The following TTC23 variants were observed in gnomAD, a reference collection of about 807,000 sequenced individuals.
TTC23 encodes tetratricopeptide repeat domain 23, also known as tetratricopeptide repeat protein 23.
In TTC23, 58 loss-of-function variants were observed where a neutral mutation model predicts 55.1. The ratio of observed to expected loss-of-function variants is 1.05; its 90% CI spans 0.85 to 1.31. TTC23 has a LOEUF of 1.31. TTC23 is among the 50% of genes most tolerant of loss of function. The pLI, the probability that TTC23 is intolerant of heterozygous loss-of-function variation, is 0.00. For missense variants in TTC23, 516 were observed against 534.4 expected (o/e 0.97, Z 0.34); for synonymous variants, 203 against 199.9 (o/e 1.02, Z -0.13).
intron 4 of TTC23, among the ~76,000 whole-genome samples, chr15:99,229,156 T>TATAC (rs2078732207): frequency 6.6e-6 from 1 of 152,034 alleles, no homozygotes; most frequent in Admixed American, 6.6e-5. Context: ...TATATATATA[T>TATAC]ATCTAAAGTC....
In TTC23 at chr15:99,156,236, C is replaced by G; in HGVS notation, c.1055G>C (p.Ser352Thr). ...EAKVEAFGDF[S>T]PEVAETYRLL... ...CCGGTATGTCTCTGCCACCTCGGGA[C>G]TGAAATCGCCAAATGCTTCCACTTT... Residue 352 changes from serine (S) to threonine (T), a missense_variant, in exon 12 of 14, where the codon AGT becomes ACT. By Grantham distance (58) the Ser-to-Thr change is moderately conservative. Transcript: ENST00000394132. The G allele has an allele frequency of 6.2e-7, 1 of 1,614,258 alleles. No homozygotes were observed. Among genetic ancestry groups the G allele is most frequent in the Non-Finnish European group, 8.5e-7 (1 of 1,180,054 alleles).
chr15:99,145,241 C>G, intron 12 of TTC23: 1 of 152,214 alleles, frequency 6.6e-6, no homozygotes, highest in South Asian at 2.1e-4. Context: ...CAGCAACACG[C>G]CAACCCTGTG....
intron 12 of TTC23, among the ~76,000 whole-genome samples, chr15:99,151,709 C>A (rs2069783354): frequency 6.6e-6 from 1 of 152,218 alleles, no homozygotes; most frequent in Non-Finnish European, 1.5e-5. Context: ...GCATTCTCCC[C>A]ACTGTGCCAT....
intron 9 of TTC23, among the ~76,000 whole-genome samples, chr15:99,196,923 G>T (rs1001122421): frequency 3.9e-5 from 6 of 152,098 alleles, no homozygotes; most frequent in Admixed American, 1.3e-4. Flanking sequence ...CCAAGCAGAG[G>T]GAGCTTCTTA....
intron 10 of TTC23, among the ~76,000 whole-genome samples, chr15:99,163,922 GT>G (rs914363516): frequency 1.2e-4 from 19 of 152,214 alleles, no homozygotes; most frequent in Admixed American, 1.2e-3. Flanking sequence ...AGTCTATGGT[GT>G]TTTGTTACAG....
At chr15:99,197,431 T>C (rs2151984964) in intron 9 of TTC23, among the ~76,000 whole-genome samples, 1 of 151,860 alleles carries the variant, frequency 6.6e-6, no homozygotes, top group South Asian at 2.1e-4. Flanking sequence ...CACCCCAGTA[T>C]TCACCTCAAC....
At chr15:99,180,474 C>G (rs2074012106) in intron 9 of TTC23, among the ~76,000 whole-genome samples, 1 of 152,242 alleles carries the variant, frequency 6.6e-6, no homozygotes, top group Non-Finnish European at 1.5e-5. Context: ...CAGTGCCAAT[C>G]AAGCTGTCGA....
chr15:99,137,880 T>C lies in TTC23; in HGVS notation c.*130A>G. On this transcript the variant is annotated 3_prime_UTR_variant, in exon 14 of 14. Transcript: ENST00000394132. ...GGCTTATGGTCTCACTGTTGCATGT[T>C]GGGGCCAACAGTTGGCCTTGGAAAT... 9.7e-6 allele frequency: 14 copies of C among 1,436,490 alleles called. No homozygotes were observed. Among genetic ancestry groups the C allele is most frequent in the Non-Finnish European group, 1.2e-5 (13 of 1,057,206 alleles). 89.0% of individuals were successfully genotyped at this position (1,436,490 alleles called of 1,614,324 possible).
intron 8 of TTC23, among the ~76,000 whole-genome samples, chr15:99,206,922 T>C (rs1311071067): frequency 6.6e-6 from 1 of 152,186 alleles, no homozygotes; most frequent in Non-Finnish European, 1.5e-5. Flanking sequence ...TTTCTACTTT[T>C]TGGAGGTAAG....
chr15:99,189,139 T>C (rs1048440535), intron 9 of TTC23, among the ~76,000 whole-genome samples: 7 of 152,140 alleles, frequency 4.6e-5, no homozygotes, highest in African/African-American at 1.7e-4. Flanking sequence ...ATTATACATC[T>C]CTACAAGTAA....
intron 12 of TTC23, among the ~76,000 whole-genome samples, chr15:99,141,334 T>C (rs1217841731): frequency 6.6e-6 from 1 of 152,156 alleles, no homozygotes; most frequent in Non-Finnish European, 1.5e-5. Flanking sequence ...ATATAATATG[T>C]ATTATAATTT....
At chr15:99,180,394 T>C (rs1413605568) in intron 9 of TTC23, among the ~76,000 whole-genome samples, 2 of 151,326 alleles carry the variant, frequency 1.3e-5, no homozygotes, top group Non-Finnish European at 2.9e-5. Flanking sequence ...CCTCAACCCC[T>C]GCCAAGGCAC....
chr15:99,147,579 T>C lies in TTC23; in HGVS notation c.1144-8180A>G, dbSNP rs112621919. 1.2e-3 allele frequency among the ~76,000 whole-genome samples: 180 copies of C among 152,296 alleles called. 3 individuals are homozygous for C. Among genetic ancestry groups the C allele is most frequent in the African/African-American group, 4.1e-3 (169 of 41,574 alleles). ...TGAATGACCATGACCCCTTTAACAA[T>C]TGGCTCTCATTCTCATATAAACTGA... On this transcript the variant is annotated intron_variant, in intron 12 of 13. Transcript: ENST00000394132.
At chr15:99,228,784 T>A in intron 4 of TTC23, 52 bp from the exon 5 acceptor site, 2 of 1,378,854 alleles carry the variant, frequency 1.5e-6, no homozygotes, top group Non-Finnish European at 2.0e-6. Context: ...CCATAGTTAC[T>A]TTTAGAAATA....
intron 9 of TTC23, among the ~76,000 whole-genome samples, chr15:99,177,279 A>C (rs2073669766): frequency 6.6e-6 from 1 of 152,238 alleles, no homozygotes. Flanking sequence ...AGTGCCAACA[A>C]TATCCTTTGC....
At chr15:99,181,073 T>C (rs2074065998) in intron 9 of TTC23, among the ~76,000 whole-genome samples, 1 of 152,114 alleles carries the variant, frequency 6.6e-6, no homozygotes, top group South Asian at 2.1e-4. Flanking sequence ...ACAGCCCAAT[T>C]TACAGAAGGG....
At chr15:99,212,107 A>G (rs1484856323) in intron 8 of TTC23, among the ~76,000 whole-genome samples, 1 of 152,238 alleles carries the variant, frequency 6.6e-6, no homozygotes, top group African/African-American at 2.4e-5. Context: ...AGTTCAGCAC[A>G]GTCATGCCAG....
At chr15:99,240,349 A>G (rs781016251) in intron 3 of TTC23, among the ~76,000 whole-genome samples, 1 of 152,204 alleles carries the variant, frequency 6.6e-6, no homozygotes, top group Non-Finnish European at 1.5e-5. Context: ...AAGAGAGGTT[A>G]TATTTATTCT....
chr15:99,182,246 T>TCACACACACACACACA, intron 9 of TTC23, among the ~76,000 whole-genome samples: 1 of 112,820 alleles, frequency 8.9e-6, no homozygotes, highest in Middle Eastern at 4.4e-3. Flanking sequence ...TCTCTCTCTC[T>TCACACACACACACACA]CTCACACACA....
Sources: allele counts gnomAD v4.1 joint callset (sites outside exome capture counted in the v4.1 genomes callset), GRCh38; gene constraint gnomAD v4.1.1; transcripts MANE v1.5; gene names NCBI Gene and HGNC (gene_info 2026-07-23, HGNC 2026-07-21).